Variants in MTMR7 observed in about 807,000 individuals in gnomAD.
The protein encoded by MTMR7 is myotubularin related protein 7.
A neutral mutation model predicts 81.2 loss-of-function variants in MTMR7; 76 were observed. The ratio of observed to expected loss-of-function variants is 0.94; its 90% CI spans 0.78 to 1.13. The LOEUF (loss-of-function observed/expected upper bound fraction) is 1.13. Ranked by LOEUF, MTMR7 falls within the 50% of genes most tolerant of loss-of-function variation. The pLI is 0.00. For synonymous variants in MTMR7, 372 were observed against 289.8 expected (o/e 1.28, Z -2.88); for missense variants, 1,044 against 820.0 (o/e 1.27, Z -3.34).
intron 1 of MTMR7, among the ~76,000 whole-genome samples, chr8:17,408,105 G>GATTCACCGTCATAATTTC (rs1487283887): frequency 8.0e-6 from 1 of 124,318 alleles, no homozygotes; most frequent in African/African-American, 2.5e-5. Flanking sequence ...GAACATCATG[G>GATTCACCGTCATAATTTC]AGAGGCCGGG....
Position 17,297,647 on chromosome 8 carries a change from T to G in MTMR7, c.*2215A>C, listed in dbSNP as rs544790510. 6.6e-6 allele frequency: 1 copy of G among 152,186 alleles called. No individual in the cohort carries two copies. The highest frequency in any genetic ancestry group is 1.5e-5 in the Non-Finnish European group (1 of 67,920). 9.4% of individuals were successfully genotyped at this position (152,186 alleles called of 1,614,324 possible). ...AATATGCCTCAAATCAGTTTTATAC[T>G]GGATTATTCCCTATGCTTTAAACCA... On this transcript the variant is annotated 3_prime_UTR_variant, in exon 14 of 14. Coordinates refer to ENST00000180173, the MANE Select transcript of MTMR7 (RefSeq NM_004686.5).
chr8:17,366,513 A>G (rs1166260579), intron 3 of MTMR7, among the ~76,000 whole-genome samples: 1 of 152,206 alleles, frequency 6.6e-6, no homozygotes, highest in Non-Finnish European at 1.5e-5. Context: ...CAGAGATGTG[A>G]GCATTTTTTT....
intron 7 of MTMR7, among the ~76,000 whole-genome samples, chr8:17,329,481 A>T (rs1338730366): frequency 3.3e-5 from 5 of 152,190 alleles, no homozygotes; most frequent in Non-Finnish European, 2.9e-5. Flanking sequence ...GTGTCAGACC[A>T]CAGGCATAAG....
intron 4 of MTMR7, among the ~76,000 whole-genome samples, chr8:17,353,454 A>G (rs1819789618): frequency 6.6e-6 from 1 of 152,196 alleles, no homozygotes; most frequent in African/African-American, 2.4e-5. Flanking sequence ...TTAAATCACA[A>G]TGAAAAAAGA....
At chr8:17,367,297 AC>A (rs1820256749) in intron 3 of MTMR7, among the ~76,000 whole-genome samples, 1 of 152,194 alleles carries the variant, frequency 6.6e-6, no homozygotes, top group Non-Finnish European at 1.5e-5. Context: ...GTGTTGAAGT[AC>A]CCACAAACAC....
chr8:17,387,804 T>C (rs1393046132), intron 1 of MTMR7, among the ~76,000 whole-genome samples: 1 of 152,190 alleles, frequency 6.6e-6, no homozygotes, highest in Non-Finnish European at 1.5e-5. Context: ...CCAAACTTCC[T>C]ATTCAGATAA....
chr8:17,395,622 T>C (rs946300999), intron 1 of MTMR7, among the ~76,000 whole-genome samples: 2 of 152,214 alleles, frequency 1.3e-5, no homozygotes, highest in Non-Finnish European at 2.9e-5. Context: ...GTCATCCTAA[T>C]GGGTATAAAG....
chr8:17,341,809 A>G (rs925696967), intron 5 of MTMR7, among the ~76,000 whole-genome samples: 1 of 152,184 alleles, frequency 6.6e-6, no homozygotes, highest in African/African-American at 2.4e-5. Context: ...ATATTGCTTC[A>G]TTTTCCTGCT....
chr8:17,391,831 T>C (rs1368530236), intron 1 of MTMR7, among the ~76,000 whole-genome samples: 1 of 152,200 alleles, frequency 6.6e-6, no homozygotes, highest in Admixed American at 6.5e-5. Flanking sequence ...AAAGTTGTCA[T>C]AGCCTGCCAC....
chr8:17,345,098 G>T (rs1274906959), intron 5 of MTMR7, among the ~76,000 whole-genome samples: 1 of 152,198 alleles, frequency 6.6e-6, no homozygotes, highest in East Asian at 1.9e-4. Context: ...GTTAATAGCT[G>T]GATATTCAAA....
At chr8:17,348,835 C>T (rs1819639973) in intron 5 of MTMR7, 118 bp downstream of exon 5, 30 of 1,246,174 alleles carry the variant, frequency 2.4e-5, no homozygotes, top group Non-Finnish European at 3.2e-5. Context: ...GGAATATCCA[C>T]ATACCTTCTG....
rs554589366 is a variant in MTMR7, at chr8:17,370,449, G to C, written c.310+588C>G. ...GCATGAGAATCGCTTGAACCCAGGA[G>C]GCAGAGGTTGCAGTGAGCTGAGATT... On this transcript the variant is annotated intron_variant, in intron 3 of 13. Coordinates refer to ENST00000180173, the MANE Select transcript of MTMR7 (RefSeq NM_004686.5). Among the ~76,000 whole-genome samples the C allele has an allele frequency of 2.0e-5, 3 of 151,092 alleles. No individual in the cohort carries two copies. The South Asian group carries it at 6.3e-4, about 32-fold the overall frequency.
At chr8:17,385,660 G>C in intron 1 of MTMR7, among the ~76,000 whole-genome samples, 1 of 152,104 alleles carries the variant, frequency 6.6e-6, no homozygotes, top group Non-Finnish European at 1.5e-5. Flanking sequence ...ATATAGTACT[G>C]TCCTCACGAT....
chr8:17,302,719 T>A (rs1241254869), intron 12 of MTMR7, among the ~76,000 whole-genome samples: 1 of 8,564 alleles, frequency 1.2e-4, no homozygotes, highest in African/African-American at 1.9e-4. Flanking sequence ...CCCCCCCCGC[T>A]TTTTTTTTTA....
In MTMR7 at chr8:17,379,243, A is replaced by C. The variant is rs888290116; in HGVS notation, c.25-6003T>G. ...GAAGCATGAGGATCATAACCCATGA[A>C]AGAGCAGCTTGAGGTGTCAACTCCC... On this transcript the variant is annotated intron_variant, in intron 1 of 13. Coordinates refer to ENST00000180173, the MANE Select transcript of MTMR7 (RefSeq NM_004686.5). Among the ~76,000 whole-genome samples the C allele has an allele frequency of 2.6e-5, 4 of 152,166 alleles. No homozygotes were observed. The East Asian group carries it at 5.8e-4, about 22-fold the overall frequency.
chr8:17,325,103 C>T (rs1020546766), intron 7 of MTMR7, among the ~76,000 whole-genome samples: 2 of 152,038 alleles, frequency 1.3e-5, no homozygotes, highest in Non-Finnish European at 2.9e-5. Flanking sequence ...AAGAATGTGT[C>T]GAGCAAAAGG....
At chr8:17,393,741 T>C (rs1397127842) in intron 1 of MTMR7, among the ~76,000 whole-genome samples, 3 of 152,124 alleles carry the variant, frequency 2.0e-5, no homozygotes, top group African/African-American at 4.8e-5. Context: ...TAAAAGCTAA[T>C]GGATGCTGGA....
chr8:17,322,658 A>G (rs192762786), intron 7 of MTMR7, among the ~76,000 whole-genome samples: 1 of 152,054 alleles, frequency 6.6e-6, no homozygotes, highest in Admixed American at 6.5e-5. Flanking sequence ...CATCTCTACA[A>G]AAAATAAAAA....
At chr8:17,356,504 G>C (rs1229748278) in intron 4 of MTMR7, among the ~76,000 whole-genome samples, 1 of 152,006 alleles carries the variant, frequency 6.6e-6, no homozygotes, top group Non-Finnish European at 1.5e-5. Flanking sequence ...TTCAAGACCA[G>C]CCTGGCCAAC....
Sources: allele counts gnomAD v4.1 joint callset (sites outside exome capture counted in the v4.1 genomes callset), GRCh38; gene constraint gnomAD v4.1.1; transcripts MANE v1.5; gene names NCBI Gene and HGNC (gene_info 2026-07-23, HGNC 2026-07-21).